DEPTOR: variants seen among roughly 807,000 people sequenced by gnomAD.
DEPTOR encodes the protein DEP domain containing MTOR interacting protein.
In DEPTOR, 41 loss-of-function variants were observed where a neutral mutation model predicts 41.6. The observed-to-expected ratio is 0.98, with a 90% CI of 0.77 to 1.28. The LOEUF (loss-of-function observed/expected upper bound fraction) is 1.28. DEPTOR is among the 50% of genes most tolerant of loss of function. The pLI is 0.00. For missense variants in DEPTOR, 514 were observed against 527.9 expected (o/e 0.97, Z 0.26); for synonymous variants, 195 against 192.3 (o/e 1.01, Z -0.12).
At chr8:120,000,066 T>A (rs1477610639) in intron 4 of DEPTOR, among the ~76,000 whole-genome samples, 2 of 152,128 alleles carry the variant, frequency 1.3e-5, no homozygotes, top group African/African-American at 4.8e-5. Flanking sequence ...ATGTAAGGGG[T>A]TACCATTGGG....
chr8:119,980,603 C>T (rs1247256232), intron 4 of DEPTOR, among the ~76,000 whole-genome samples: 5 of 151,110 alleles, frequency 3.3e-5, no homozygotes, highest in South Asian at 2.1e-4. Flanking sequence ...CTGCAACCTC[C>T]GCCTCCTGTG....
chr8:120,047,287 G>T (rs540542786), intron 8 of DEPTOR, among the ~76,000 whole-genome samples: 1 of 152,030 alleles, frequency 6.6e-6, no homozygotes, highest in African/African-American at 2.4e-5. Flanking sequence ...CTCCCAAAGT[G>T]CTGGGATTAC....
At position 119,893,070 on chromosome 8, in the gene DEPTOR, A is replaced by C. The variant is rs148153075; in HGVS notation, c.122+19102A>C. On this transcript the variant is annotated intron_variant, in intron 1 of 8. Transcript: ENST00000286234. The stretch of plus-strand genomic sequence containing the variant: ...AGTCCTGGGATTACAGGCATGAGCC[A>C]CCGCGCCTGGCAGACTTTATTATAA... Among the ~76,000 whole-genome samples the C allele has an allele frequency of 5.6e-3, 858 of 152,264 alleles. 7 individuals are homozygous for C. The highest frequency in any genetic ancestry group is 0.02 in the African/African-American group (825 of 41,548).
chr8:119,874,158 C>T (rs1310732005), intron 1 of DEPTOR, 190 bp downstream of exon 1: 3 of 905,520 alleles, frequency 3.3e-6, no homozygotes, highest in Non-Finnish European at 4.8e-6. Flanking sequence ...TGAGGACTCG[C>T]TCGCCAAGCG....
At position 120,001,730 on chromosome 8, in the gene DEPTOR, A is replaced by G. The variant is rs1812354528; in HGVS notation, c.790+20A>G. The G allele has an allele frequency of 6.2e-7, 1 of 1,601,972 alleles. No homozygotes were observed. Among genetic ancestry groups the G allele is most frequent in the Admixed American group, 1.7e-5 (1 of 59,134 alleles). On this transcript the variant is annotated intron_variant, in intron 5 of 8. Coordinates refer to ENST00000286234, the MANE Select transcript of DEPTOR (RefSeq NM_022783.4). ...TGTCAGGTATGCCATCCCGGCATTTATTGGAGCTCAAGTGTTTGTCTTTTG... is the reference window on the plus strand; with the variant it reads ...TGTCAGGTATGCCATCCCGGCATTTGTTGGAGCTCAAGTGTTTGTCTTTTG...
chr8:120,023,444 C>T (rs1024584816), intron 8 of DEPTOR, among the ~76,000 whole-genome samples: 2 of 151,894 alleles, frequency 1.3e-5, no homozygotes, highest in Non-Finnish European at 2.9e-5. Flanking sequence ...CCACCACGCC[C>T]AGCCTAATTA....
At chr8:120,020,507 C>T (rs951655446) in intron 8 of DEPTOR, among the ~76,000 whole-genome samples, 8 of 152,306 alleles carry the variant, frequency 5.3e-5, no homozygotes, top group African/African-American at 1.7e-4. Flanking sequence ...TCCCAAGTAG[C>T]TGGGACCACA....
chr8:120,024,603 C>T (rs908164387), intron 8 of DEPTOR, among the ~76,000 whole-genome samples: 5 of 152,062 alleles, frequency 3.3e-5, no homozygotes, highest in Middle Eastern at 3.2e-3. Flanking sequence ...TGTAAAGACG[C>T]GAAGGGGAAT....
chr8:119,878,497 G>T (rs531304206), intron 1 of DEPTOR, among the ~76,000 whole-genome samples: 2,676 of 151,258 alleles, frequency 0.018, 81 homozygotes, highest in African/African-American at 0.061. Flanking sequence ...TTTTTTTTGT[G>T]TGTGTGCTTT....
chr8:119,905,675 G>T lies in DEPTOR; in HGVS notation c.123-22725G>T, dbSNP rs1827653884. Among the ~76,000 whole-genome samples the T allele has an allele frequency of 2.0e-5, 3 of 149,696 alleles. No homozygotes were observed. The South Asian group carries it at 6.4e-4, about 32-fold the overall frequency. On this transcript the variant is annotated intron_variant, in intron 1 of 8. Transcript: ENST00000286234. ...AGACAGAGTCTTGCTTTGTTGCCCA[G>T]GATGAAGTACAGTGAAGTGCAGTGG... is the stretch of plus-strand genomic sequence containing the variant.
intron 1 of DEPTOR, among the ~76,000 whole-genome samples, chr8:119,897,299 C>T (rs1827532545): frequency 6.6e-6 from 1 of 152,088 alleles, no homozygotes; most frequent in African/African-American, 2.4e-5. Flanking sequence ...CTTTGGGAGG[C>T]CGAGGTGGGC....
At chr8:119,875,495 A>G (rs114036544) in intron 1 of DEPTOR, among the ~76,000 whole-genome samples, 2,834 of 152,246 alleles carry the variant, frequency 0.019, 88 homozygotes, top group African/African-American at 0.064. Context: ...TTCAAAGGAG[A>G]GGCTACAAAG....
intron 1 of DEPTOR, among the ~76,000 whole-genome samples, chr8:119,898,941 GT>G (rs1359848793): frequency 6.6e-6 from 1 of 152,070 alleles, no homozygotes; most frequent in East Asian, 1.9e-4. Flanking sequence ...GGACTAATGG[GT>G]TCTCTCTGTG....
chr8:119,929,692 A>G (rs1828015387), intron 2 of DEPTOR, 123 bp from the exon 3 acceptor site: 1 of 1,322,196 alleles, frequency 7.6e-7, no homozygotes, highest in South Asian at 1.5e-5. Context: ...CATATGGTAC[A>G]TATTTGCATG....
At chr8:119,921,331 T>C (rs1234759114) in intron 1 of DEPTOR, among the ~76,000 whole-genome samples, 1 of 152,208 alleles carries the variant, frequency 6.6e-6, no homozygotes, top group African/African-American at 2.4e-5. Flanking sequence ...TCACCAAATA[T>C]TAAGTATTTG....
At chr8:119,906,855 C>G (rs1827670196) in intron 1 of DEPTOR, among the ~76,000 whole-genome samples, 1 of 152,186 alleles carries the variant, frequency 6.6e-6, no homozygotes, top group African/African-American at 2.4e-5. Context: ...CATAATTTCT[C>G]TGTGTCTTCT....
chr8:120,007,055 C>T (rs1003154453), intron 7 of DEPTOR, among the ~76,000 whole-genome samples, 180 bp downstream of exon 7: 5 of 152,210 alleles, frequency 3.3e-5, no homozygotes, highest in African/African-American at 1.2e-4. Flanking sequence ...ATTAGGACTT[C>T]ACATGCGTTA....
At chr8:120,000,311 G>GC (rs963764250) in intron 4 of DEPTOR, among the ~76,000 whole-genome samples, 4 of 151,826 alleles carry the variant, frequency 2.6e-5, no homozygotes, top group Non-Finnish European at 4.4e-5. Flanking sequence ...CAACCCCAAG[G>GC]CCCCCCTCCA....
At chr8:120,028,648 G>C (rs9773683) in intron 8 of DEPTOR, among the ~76,000 whole-genome samples, 2 of 151,430 alleles carry the variant, frequency 1.3e-5, no homozygotes, top group Non-Finnish European at 2.9e-5. Flanking sequence ...GTTTTTAATA[G>C]AGATGGGTTT....
Sources: allele counts gnomAD v4.1 joint callset (sites outside exome capture counted in the v4.1 genomes callset), GRCh38; gene constraint gnomAD v4.1.1; transcripts MANE v1.5; gene names NCBI Gene and HGNC (gene_info 2026-07-23, HGNC 2026-07-21).